Variants in KIAA1217 observed in about 807,000 individuals in gnomAD.
KIAA1217 encodes the protein KIAA1217, also known as sickle tail protein homolog.
A neutral mutation model predicts 163.9 loss-of-function variants in KIAA1217; 88 were observed. That is an observed-to-expected ratio of 0.54 (90% confidence interval 0.45 to 0.64). The LOEUF (loss-of-function observed/expected upper bound fraction) is 0.64. Ranked by LOEUF, KIAA1217 falls within the 30% of genes least tolerant of loss-of-function variation. The pLI is 0.00. For missense variants in KIAA1217, 2,372 were observed against 2,475.0 expected, an observed-to-expected ratio of 0.96 and a Z score of 0.88; for synonymous variants, 903 against 923.1, an observed-to-expected ratio of 0.98 and a Z score of 0.39.
intron 2 of KIAA1217, among the ~76,000 whole-genome samples, chr10:24,064,874 CTG>C (rs1327690866): frequency 6.6e-6 from 1 of 151,994 alleles, no homozygotes; most frequent in East Asian, 1.9e-4. Flanking sequence ...TCTTGGGAGA[CTG>C]TATGTGTCGA....
At chr10:24,264,999 T>C (rs1400151218) in intron 2 of KIAA1217, among the ~76,000 whole-genome samples, 2 of 152,080 alleles carry the variant, frequency 1.3e-5, no homozygotes, top group African/African-American at 4.8e-5. Flanking sequence ...TACAAGTGTG[T>C]GCCACTACCC....
chr10:24,539,317 C>A (rs570728698), intron 17 of KIAA1217, among the ~76,000 whole-genome samples: 1 of 152,100 alleles, frequency 6.6e-6, no homozygotes, highest in Non-Finnish European at 1.5e-5. Flanking sequence ...CAACCTCCCC[C>A]TCCCCGGTTC....
intron 1 of KIAA1217, among the ~76,000 whole-genome samples, chr10:23,854,629 T>C (rs918817441): frequency 1.3e-5 from 2 of 152,150 alleles, no homozygotes; most frequent in African/African-American, 4.8e-5. Context: ...AAGTCTCCCA[T>C]TATTATCGTG....
chr10:23,942,862 C>T (rs1362539299), intron 1 of KIAA1217, among the ~76,000 whole-genome samples: 1 of 151,178 alleles, frequency 6.6e-6, no homozygotes, highest in African/African-American at 2.4e-5. Flanking sequence ...AGTGCCAGCA[C>T]TTTGCAAGGC....
intron 2 of KIAA1217, among the ~76,000 whole-genome samples, chr10:24,024,827 A>T (rs1453659490): frequency 6.6e-6 from 1 of 151,690 alleles, no homozygotes. Context: ...TACAATCTGT[A>T]AATCTTCTTT....
At chr10:23,977,505 G>C (rs1276622992) in intron 1 of KIAA1217, among the ~76,000 whole-genome samples, 2 of 152,008 alleles carry the variant, frequency 1.3e-5, no homozygotes, top group African/African-American at 4.8e-5. Flanking sequence ...TCATGCTTGA[G>C]AACTAGGAAC....
intron 2 of KIAA1217, among the ~76,000 whole-genome samples, chr10:24,034,351 G>C (rs1848306460): frequency 6.6e-6 from 1 of 152,010 alleles, no homozygotes; most frequent in Non-Finnish European, 1.5e-5. Flanking sequence ...CTTGAGCCCA[G>C]GAGTTCCAGA....
In KIAA1217 at chr10:24,035,213, G is replaced by A. The variant is rs76442347; in HGVS notation, c.-171+27839G>A. ...CATCTGTTAAATGGAGATAATAATG[G>A]TGTCTACCTTGTCAGGTCACCATGA... On this transcript the variant is annotated intron_variant, in intron 2 of 18. Transcript: ENST00000376462. 2.0e-3 allele frequency among the ~76,000 whole-genome samples: 305 copies of A among 152,284 alleles called. 3 individuals carry two copies. The highest frequency in any genetic ancestry group is 6.8e-3 in the African/African-American group (283 of 41,544).
At chr10:24,223,776 T>G (rs1371831357) in intron 2 of KIAA1217, among the ~76,000 whole-genome samples, 1 of 148,786 alleles carries the variant, frequency 6.7e-6, no homozygotes, top group African/African-American at 2.5e-5. Flanking sequence ...TGCAGTGGCA[T>G]GATCATGGCT....
chr10:24,163,990 C>T (rs1228499291), intron 2 of KIAA1217, among the ~76,000 whole-genome samples: 1 of 152,036 alleles, frequency 6.6e-6, no homozygotes, highest in Non-Finnish European at 1.5e-5. Context: ...ATAGTGAGAC[C>T]CTGTCTCTAA....
rs372593681 is a variant in KIAA1217 at position 24,176,808 on chromosome 10, C to T, written c.-170-42818C>T. Among the ~76,000 whole-genome samples the T allele has an allele frequency of 1.6e-3, 239 of 152,274 alleles. 1 individual carries two copies. Among genetic ancestry groups the T allele is most frequent in the African/African-American group, 5.4e-3 (223 of 41,582 alleles). ...GCCCATCGGGGAGGCTCAAGCCATG[C>T]GGTAGCCCACGGGGCAGGGGAGGCT... is the stretch of plus-strand genomic sequence containing the variant. On this transcript the variant is annotated intron_variant, in intron 2 of 18. Transcript: ENST00000376462.
intron 3 of KIAA1217, among the ~76,000 whole-genome samples, chr10:24,388,544 C>G (rs2054354018): frequency 6.6e-6 from 1 of 152,012 alleles, no homozygotes; most frequent in Non-Finnish European, 1.5e-5. Context: ...GCAACAAAAG[C>G]CAAAATTGAC....
intron 2 of KIAA1217, among the ~76,000 whole-genome samples, chr10:24,029,610 C>T (rs140254854): frequency 2.0e-4 from 31 of 152,198 alleles, no homozygotes; most frequent in African/African-American, 7.0e-4. Context: ...GGAAATTTCT[C>T]CCCCATTTTA....
intron 1 of KIAA1217, among the ~76,000 whole-genome samples, chr10:23,837,781 T>A (rs189679818): frequency 6.6e-6 from 1 of 152,134 alleles, no homozygotes; most frequent in Non-Finnish European, 1.5e-5. Flanking sequence ...GCTCAATTGA[T>A]CCACCCACCT....
rs1007849472 is a variant in KIAA1217 at position 23,830,029 on chromosome 10, A to G, written c.-321+134795A>G. Among the ~76,000 whole-genome samples, 9 of 152,268 alleles carry G rather than the reference A, an allele frequency of 5.9e-5. No individual in the cohort carries two copies. The East Asian group carries it at 1.5e-3, about 26-fold the overall frequency. ...AATGTTTAAATCTCTGGGCTGCCAAATTTGTGCTATTTTGCCAACAACATT... is the reference window on the plus strand; with the variant it reads ...AATGTTTAAATCTCTGGGCTGCCAAGTTTGTGCTATTTTGCCAACAACATT... On this transcript the variant is annotated intron_variant, in intron 1 of 18. Transcript: ENST00000376462.
chr10:24,174,208 C>A (rs1291587333), intron 2 of KIAA1217, among the ~76,000 whole-genome samples: 1 of 152,174 alleles, frequency 6.6e-6, no homozygotes, highest in Non-Finnish European at 1.5e-5. Context: ...ATCATTATTA[C>A]CCCTGCCCAG....
chr10:24,537,875 C>T (rs1404215937), intron 17 of KIAA1217, among the ~76,000 whole-genome samples: 1 of 152,162 alleles, frequency 6.6e-6, no homozygotes, highest in Non-Finnish European at 1.5e-5. Flanking sequence ...GGGAAACGAC[C>T]ATAGCCTGAA....
intron 2 of KIAA1217, among the ~76,000 whole-genome samples, chr10:24,348,439 A>G (rs2133966502): frequency 6.6e-6 from 1 of 152,326 alleles, no homozygotes; most frequent in South Asian, 2.1e-4. Flanking sequence ...ACATAATACA[A>G]CTATATATTA....
chr10:24,329,196 TATAA>T lies in KIAA1217; in HGVS notation c.355-51669_355-51666del, dbSNP rs563207403. On this transcript the variant is annotated intron_variant, in intron 2 of 20. Coordinates refer to ENST00000376454, the MANE Select transcript of KIAA1217 (RefSeq NM_019590.5). ...ACATAAATGGTGTATATACATAGTA[TATAA>T]ATAGTGTACCTAGTATATAAATAGT... is the stretch of plus-strand genomic sequence containing the variant. 4.7e-4 allele frequency among the ~76,000 whole-genome samples: 69 copies of T among 147,894 alleles called. No homozygotes were observed. In the South Asian group the frequency reaches 0.014, roughly 31 times the overall value.
Sources: allele counts gnomAD v4.1 joint callset (sites outside exome capture counted in the v4.1 genomes callset), GRCh38; gene constraint gnomAD v4.1.1; transcripts MANE v1.5; gene names NCBI Gene and HGNC (gene_info 2026-07-23, HGNC 2026-07-21).